WIPF2: variants seen among roughly 807,000 people sequenced by gnomAD.
The protein encoded by WIPF2 is WAS/WASL-interacting protein family member 2.
Under a neutral mutation model 38.8 loss-of-function variants are expected in WIPF2, and 23 were observed. The ratio of observed to expected loss-of-function variants is 0.59; its 90% CI spans 0.43 to 0.84. WIPF2 has a LOEUF of 0.84. Among genes scored for constraint, WIPF2 ranks in the 40% least tolerant of loss-of-function variants. WIPF2 has a pLI of 0.00. For missense variants in WIPF2, 574 were observed against 580.5 expected, an observed-to-expected ratio of 0.99 and a Z score of 0.11; for synonymous variants, 210 against 223.2, an observed-to-expected ratio of 0.94 and a Z score of 0.53.
intron 1 of WIPF2, among the ~76,000 whole-genome samples, chr17:40,253,148 C>T (rs181845207): frequency 6.7e-5 from 10 of 149,232 alleles, no homozygotes; most frequent in Admixed American, 2.0e-4. Context: ...CTGCAAGCTC[C>T]GTCTCCCAGG....
At chr17:40,260,510 A>T in intron 2 of WIPF2, 25 bp from the exon 3 acceptor site, 2 of 1,612,282 alleles carry the variant, frequency 1.2e-6, no homozygotes, top group Non-Finnish European at 1.7e-6. Flanking sequence ...CTTTAGGGTG[A>T]ACTTATATTT....
chr17:40,220,888 G>C (rs1420312140), intron 1 of WIPF2, among the ~76,000 whole-genome samples: 5 of 149,002 alleles, frequency 3.4e-5, no homozygotes, highest in Non-Finnish European at 7.4e-5. Context: ...CCATTCTTCT[G>C]CCTCAGCCTC....
At position 40,273,993 on chromosome 17, in the gene WIPF2, T is replaced by G. The variant is rs1314548357; in HGVS notation, c.1174T>G (p.Phe392Val). Residue 392 changes from phenylalanine (F) to valine (V), a missense_variant, in exon 6 of 8, where the codon TTC (phenylalanine) becomes GTC (valine). Coordinates refer to ENST00000323571, the MANE Select transcript of WIPF2 (RefSeq NM_133264.5). ...AGATTCTATCACCACTGTCCGGTCT[T>G]TCTTGGGTGAGTAGCTAGCTATCTG... ...HRDSITTVRS[F>V]LDDFESKYSF... 1 of 1,538,530 alleles carries G rather than the reference T, an allele frequency of 6.5e-7. No individual in the cohort carries two copies. The highest frequency in any genetic ancestry group is 1.3e-5 in the South Asian group (1 of 79,868).
chr17:40,256,415 A>C lies in WIPF2; in HGVS notation c.-45A>C. Reference sequence around the variant, plus strand: ...GGTATATGAATGACCTAAAGGTACAAATAAAGACGGAGAGAGAACAGTGCC... The same window carrying C: ...GGTATATGAATGACCTAAAGGTACACATAAAGACGGAGAGAGAACAGTGCC... On this transcript the variant is annotated 5_prime_UTR_variant, in exon 2 of 8. Transcript: ENST00000323571. 6.3e-7 allele frequency: 1 copy of C among 1,589,444 alleles called. No individual in the cohort carries two copies. The highest frequency in any genetic ancestry group is 1.2e-5 in the South Asian group (1 of 85,910).
intron 5 of WIPF2, among the ~76,000 whole-genome samples, chr17:40,272,559 A>G (rs1329618587): frequency 6.6e-6 from 1 of 152,204 alleles, no homozygotes; most frequent in Non-Finnish European, 1.5e-5. Context: ...CATAGCCTGT[A>G]TATGCTGTGG....
Position 40,282,628 on chromosome 17 carries a change from C to T in WIPF2, c.*4403C>T, listed in dbSNP as rs2032576281. The T allele has an allele frequency of 6.6e-6, 1 of 152,164 alleles. No homozygotes were observed. The highest frequency in any genetic ancestry group is 2.1e-4 in the South Asian group (1 of 4,828). The allele number at this position is 152,164 out of a possible 1,614,324, so 9.4% of individuals were successfully genotyped here. On this transcript the variant is annotated 3_prime_UTR_variant, in exon 8 of 8. Coordinates refer to ENST00000323571, the MANE Select transcript of WIPF2 (RefSeq NM_133264.5). ...GTATAATCTGGTCTCAGGTTGGATT[C>T]TTTGGTACATTTCTCTCTTCTGGAT...
chr17:40,231,744 G>A (rs1428980293), intron 1 of WIPF2, among the ~76,000 whole-genome samples: 3 of 151,402 alleles, frequency 2.0e-5, no homozygotes, highest in Admixed American at 1.3e-4. Context: ...TTTATATATG[G>A]AGCGTGCAGA....
At chr17:40,220,610 TA>T (rs2030178007) in intron 1 of WIPF2, 2 of 121,202 alleles carry the variant, frequency 1.7e-5, no homozygotes, top group African/African-American at 3.6e-5. Flanking sequence ...TATATATATA[TA>T]TATATATGTA....
In WIPF2 at chr17:40,281,420, G is replaced by A. The variant is rs1385753680; in HGVS notation, c.*3195G>A. 2 of 152,136 alleles carry A rather than the reference G, an allele frequency of 1.3e-5. No homozygotes were observed. Among genetic ancestry groups the A allele is most frequent in the Non-Finnish European group, 2.9e-5 (2 of 68,022 alleles). The allele number at this position is 152,136 out of a possible 1,614,324, so 9.4% of individuals were successfully genotyped here. A position where few individuals can be genotyped will look rare whatever the true frequency, so the allele number is the denominator to read the frequency against. On this transcript the variant is annotated 3_prime_UTR_variant, in exon 8 of 8. Coordinates refer to ENST00000323571, the MANE Select transcript of WIPF2 (RefSeq NM_133264.5). ...GGACCAAAGCACTTTGATATTCCAG[G>A]TGTGATTTTCTCTGTCATGGGGATT...
At chr17:40,263,020 TAG>T (rs2031961203) in intron 4 of WIPF2, among the ~76,000 whole-genome samples, 1 of 151,986 alleles carries the variant, frequency 6.6e-6, no homozygotes, top group African/African-American at 2.4e-5. Flanking sequence ...CTCGTAGAAG[TAG>T]AGAGTGAAAT....
chr17:40,274,443 GT>G (rs1487088186), intron 6 of WIPF2, among the ~76,000 whole-genome samples: 1 of 149,710 alleles, frequency 6.7e-6, no homozygotes, highest in Admixed American at 6.7e-5. Flanking sequence ...CTGGGTCTCT[GT>G]TGCCCAGGCC....
At chr17:40,235,569 C>CT (rs777748624) in intron 1 of WIPF2, among the ~76,000 whole-genome samples, 2,026 of 119,834 alleles carry the variant, frequency 0.017, 27 homozygotes, top group South Asian at 0.027. Flanking sequence ...GAGAGTGAGA[C>CT]TTTTTTTTTT....
rs189104052 is a variant in WIPF2, at chr17:40,281,296, T to C, written c.*3071T>C. On this transcript the variant is annotated 3_prime_UTR_variant, in exon 8 of 8. Transcript: ENST00000323571. ...TGTTTTTCCCTAATGGGAAAAACGT[T>C]ATAGTTGTTTCTTACTGCCCTGTCT... 3.9e-5 allele frequency: 6 copies of C among 152,262 alleles called. No individual in the cohort carries two copies. The highest frequency in any genetic ancestry group is 1.5e-5 in the Non-Finnish European group (1 of 68,030). 9.4% of individuals were successfully genotyped at this position (152,262 alleles called of 1,614,324 possible). A position where few individuals can be genotyped will look rare whatever the true frequency, so the allele number is the denominator to read the frequency against.
At chr17:40,239,431 C>G (rs1266925069) in intron 1 of WIPF2, among the ~76,000 whole-genome samples, 1 of 152,020 alleles carries the variant, frequency 6.6e-6, no homozygotes, top group Non-Finnish European at 1.5e-5. Flanking sequence ...GTGGACCCTA[C>G]TATAGGGTAT....
intron 1 of WIPF2, among the ~76,000 whole-genome samples, chr17:40,238,879 G>A (rs867180651): frequency 8.6e-5 from 13 of 151,922 alleles, no homozygotes; most frequent in African/African-American, 3.1e-4. Context: ...CCAAAGTGCT[G>A]GGATTACAGA....
chr17:40,236,560 C>T (rs2030976686), intron 1 of WIPF2, among the ~76,000 whole-genome samples: 1 of 150,696 alleles, frequency 6.6e-6, no homozygotes, highest in African/African-American at 2.4e-5. Flanking sequence ...CCTGGCTTGG[C>T]CTCCCAAAGT....
At chr17:40,250,501 G>A (rs938035407) in intron 1 of WIPF2, among the ~76,000 whole-genome samples, 2 of 149,862 alleles carry the variant, frequency 1.3e-5, no homozygotes, top group South Asian at 4.2e-4. Flanking sequence ...CGCCCACCTC[G>A]GCCTCCCAAA....
intron 1 of WIPF2, among the ~76,000 whole-genome samples, chr17:40,245,511 T>A (rs1322140260): frequency 1.3e-5 from 2 of 151,988 alleles, no homozygotes; most frequent in African/African-American, 4.8e-5. Context: ...CTTGGCTGAC[T>A]TTTATATTTT....
In WIPF2 at chr17:40,222,654, GTTTTTTTTTTTTTTTTTTTTT is replaced by G. The variant is rs58758484; in HGVS notation, c.-70+3175_-70+3195del. On this transcript the variant is annotated intron_variant, in intron 1 of 7. Coordinates refer to ENST00000323571, the MANE Select transcript of WIPF2 (RefSeq NM_133264.5). The stretch of plus-strand genomic sequence containing the variant: ...CTGGTTTTGATTTGATGCATATTCA[GTTTTTTTTTTTTTTTTTTTTT>G]TTTTTTTTTTTTGAGACAGAGTTTC... Among the ~76,000 whole-genome samples the G allele has an allele frequency of 3.7e-3, 194 of 52,884 alleles. 4 individuals carry two copies. Among genetic ancestry groups the G allele is most frequent in the African/African-American group, 0.013 (189 of 14,396 alleles). 34.7% of individuals were successfully genotyped at this position (52,884 alleles called of 152,430 possible).
Sources: gnomAD v4.1 joint callset for allele counts (sites outside exome capture counted in the v4.1 genomes callset) on GRCh38, gnomAD v4.1.1 for gene constraint, MANE v1.5 for transcripts, NCBI Gene and HGNC (gene_info 2026-07-23, HGNC 2026-07-21) for gene names.